The following UBE2E2 variants were observed in gnomAD, a reference collection of about 807,000 sequenced individuals.
The protein encoded by UBE2E2 is ubiquitin-conjugating enzyme E2 E2.
A neutral mutation model predicts 24.7 loss-of-function variants in UBE2E2; 6 were observed. That is an observed-to-expected ratio of 0.24 (90% confidence interval 0.13 to 0.48). The LOEUF (loss-of-function observed/expected upper bound fraction) is 0.48, where lower values mean the gene tolerates loss of function less well. Among genes scored for constraint, UBE2E2 ranks in the 20% least tolerant of loss-of-function variants. The pLI is 0.99. For synonymous variants in UBE2E2, 104 were observed against 83.6 expected, an observed-to-expected ratio of 1.24 and a Z score of -1.33; for missense variants, 169 against 245.0, an observed-to-expected ratio of 0.69 and a Z score of 2.07.
intron 3 of UBE2E2, among the ~76,000 whole-genome samples, chr3:23,437,798 A>C (rs1698216273): frequency 6.6e-6 from 1 of 152,230 alleles, no homozygotes; most frequent in Non-Finnish European, 1.5e-5. Flanking sequence ...GTTCTCACAG[A>C]AAAGGTCATC....
intron 5 of UBE2E2, among the ~76,000 whole-genome samples, chr3:23,544,348 A>G (rs1695466280): frequency 1.3e-5 from 2 of 152,204 alleles, no homozygotes; most frequent in African/African-American, 4.8e-5. Flanking sequence ...AAGGAACTCA[A>G]ATCAGCAAGA....
intron 5 of UBE2E2, among the ~76,000 whole-genome samples, chr3:23,538,064 A>G: frequency 6.6e-6 from 1 of 152,194 alleles, no homozygotes. Context: ...TTCAGGTAAA[A>G]TGGTAAGTCT....
At chr3:23,366,381 C>T (rs34758087) in intron 3 of UBE2E2, among the ~76,000 whole-genome samples, 10,748 of 152,148 alleles carry the variant, frequency 0.071, 512 homozygotes, top group Non-Finnish European at 0.088. Flanking sequence ...GCACTATTCA[C>T]GATAGCAAAG....
intron 3 of UBE2E2, among the ~76,000 whole-genome samples, chr3:23,243,501 A>G (rs1697310072): frequency 6.6e-6 from 1 of 152,016 alleles, no homozygotes; most frequent in Admixed American, 6.6e-5. Flanking sequence ...TTTATTTTGT[A>G]TTTGATGTTC....
intron 3 of UBE2E2, among the ~76,000 whole-genome samples, chr3:23,350,485 T>C (rs1380474583): frequency 7.9e-5 from 12 of 152,074 alleles, no homozygotes; most frequent in Admixed American, 7.9e-4. Context: ...TAAAAAACTT[T>C]GAAAAAAATT....
intron 5 of UBE2E2, among the ~76,000 whole-genome samples, chr3:23,564,162 G>A (rs1009202612): frequency 2.6e-5 from 4 of 151,988 alleles, no homozygotes; most frequent in African/African-American, 9.7e-5. Flanking sequence ...TATAATTGAT[G>A]ATGTAAATGT....
intron 3 of UBE2E2, among the ~76,000 whole-genome samples, chr3:23,408,884 G>A (rs1382429098): frequency 6.6e-6 from 1 of 152,116 alleles, no homozygotes; most frequent in Non-Finnish European, 1.5e-5. Flanking sequence ...CAAATGCACA[G>A]GGTTGTATTA....
Position 23,450,355 on chromosome 3 carries a change from A to G in UBE2E2, c.228-49253A>G, listed in dbSNP as rs184751434. Among the ~76,000 whole-genome samples, 23 of 152,296 alleles carry G rather than the reference A, an allele frequency of 1.5e-4. 1 individual carries two copies. The highest frequency in any genetic ancestry group is 5.5e-4 in the African/African-American group (23 of 41,570). ...TACTGAGTCCTTGACGTGTGGTTCT[A>G]GTACAACTGAAGAATTTAATTTTAA... On this transcript the variant is annotated intron_variant, in intron 3 of 5. Transcript: ENST00000396703.
chr3:23,365,847 ACCCAAC>A (rs1448506256), intron 3 of UBE2E2, among the ~76,000 whole-genome samples: 1 of 152,214 alleles, frequency 6.6e-6, no homozygotes, highest in African/African-American at 2.4e-5. Context: ...GCATCACATT[ACCCAAC>A]TTCAAACTAT....
chr3:23,528,448 AAG>A (rs1300314544), intron 4 of UBE2E2, among the ~76,000 whole-genome samples: 3 of 152,144 alleles, frequency 2.0e-5, no homozygotes, highest in South Asian at 4.1e-4. Flanking sequence ...GAGCTGCTGA[AAG>A]AGAGTGAGCC....
At chr3:23,528,298 T>G (rs900238558) in intron 4 of UBE2E2, among the ~76,000 whole-genome samples, 1 of 152,216 alleles carries the variant, frequency 6.6e-6, no homozygotes, top group African/African-American at 2.4e-5. Context: ...CATCTATTAC[T>G]GTTTGGTTCT....
At chr3:23,574,791 T>A (rs1696309019) in intron 5 of UBE2E2, among the ~76,000 whole-genome samples, 1 of 152,160 alleles carries the variant, frequency 6.6e-6, no homozygotes, top group Admixed American at 6.5e-5. Context: ...ATTACATTTT[T>A]ATTTCTAATA....
intron 3 of UBE2E2, among the ~76,000 whole-genome samples, chr3:23,390,937 AAGT>A (rs1696919854): frequency 6.6e-6 from 1 of 152,214 alleles, no homozygotes; most frequent in African/African-American, 2.4e-5. Context: ...TTGAATAAAT[AAGT>A]AATAATGTAG....
At chr3:23,377,607 C>A (rs1394434925) in intron 3 of UBE2E2, among the ~76,000 whole-genome samples, 2 of 152,170 alleles carry the variant, frequency 1.3e-5, no homozygotes, top group African/African-American at 2.4e-5. Context: ...GTGAAAGATG[C>A]TTTTAGGATC....
At chr3:23,427,350 C>T (rs1697950684) in intron 3 of UBE2E2, among the ~76,000 whole-genome samples, 2 of 151,528 alleles carry the variant, frequency 1.3e-5, no homozygotes, top group Admixed American at 6.6e-5. Context: ...AGGTGATTTG[C>T]ACCTGGGAGG....
intron 3 of UBE2E2, among the ~76,000 whole-genome samples, chr3:23,454,172 C>A (rs1698625632): frequency 6.6e-6 from 1 of 151,964 alleles, no homozygotes; most frequent in South Asian, 2.1e-4. Flanking sequence ...TTTTAGATCC[C>A]CATTAGTTGC....
At chr3:23,464,323 T>C (rs150676354) in intron 3 of UBE2E2, among the ~76,000 whole-genome samples, 85 of 152,276 alleles carry the variant, frequency 5.6e-4, no homozygotes, top group Non-Finnish European at 2.2e-4. Flanking sequence ...TGTAGTGTAA[T>C]TGCAGTGCTC....
rs753819122 is a variant in UBE2E2, at chr3:23,474,064, A to G, written c.228-25544A>G. Among the ~76,000 whole-genome samples, 2 of 151,836 alleles carry G rather than the reference A, an allele frequency of 1.3e-5. No individual in the cohort carries two copies. Among genetic ancestry groups the G allele is most frequent in the Non-Finnish European group, 1.5e-5 (1 of 67,980 alleles). Reference sequence around the variant, plus strand: ...TTTCACCGCATCTATGCCAACATATATATATTTTTTTATTTTTTTGCGGGA... The same window carrying G: ...TTTCACCGCATCTATGCCAACATATGTATATTTTTTTATTTTTTTGCGGGA... On this transcript the variant is annotated intron_variant, in intron 3 of 5. Coordinates refer to ENST00000396703, the MANE Select transcript of UBE2E2 (RefSeq NM_152653.4). This position sits in a 1 kb window ranked among gnomAD's most constrained non-coding sequence, Gnocchi z 4.0.
intron 3 of UBE2E2, among the ~76,000 whole-genome samples, chr3:23,477,271 G>T (rs972485731): frequency 6.6e-6 from 1 of 152,178 alleles, no homozygotes; most frequent in African/African-American, 2.4e-5. Flanking sequence ...AGGAGCTTTT[G>T]TATGATTAGT....
Sources: allele counts gnomAD v4.1 joint callset (sites outside exome capture counted in the v4.1 genomes callset), GRCh38; gene constraint gnomAD v4.1.1; non-coding constraint Gnocchi (gnomAD v3.1); transcripts MANE v1.5; gene names NCBI Gene and HGNC (gene_info 2026-07-23, HGNC 2026-07-21).